Variants in CDH5 observed in about 807,000 individuals in gnomAD.
The protein encoded by CDH5 is cadherin 5.
Under a neutral mutation model 62.0 loss-of-function variants are expected in CDH5, and 28 were observed. The observed-to-expected ratio is 0.45, with a 90% CI of 0.33 to 0.62. The LOEUF is 0.62. Among genes scored for constraint, CDH5 ranks in the 20% least tolerant of loss-of-function variants. The pLI is 0.02. For missense variants in CDH5, 940 were observed against 1,065.1 expected (o/e 0.88, Z 1.63); for synonymous variants, 464 against 445.8 (o/e 1.04, Z -0.52).
Position 66,404,448 on chromosome 16 carries a change from A to G in CDH5, c.*1279A>G, listed in dbSNP as rs1246450502. ...ATGGACCGAGGTTCCCACTCTGGGCAAAGCCCCTCACACTGCAAGGGATTG... is the reference window on the plus strand; with the variant it reads ...ATGGACCGAGGTTCCCACTCTGGGCGAAGCCCCTCACACTGCAAGGGATTG... On this transcript the variant is annotated 3_prime_UTR_variant, in exon 12 of 12. Coordinates refer to ENST00000341529, the MANE Select transcript of CDH5 (RefSeq NM_001795.5). 6.6e-6 allele frequency: 1 copy of G among 152,254 alleles called. No individual in the cohort carries two copies. The highest frequency in any genetic ancestry group is 1.5e-5 in the Non-Finnish European group (1 of 68,044). The allele number at this position is 152,254 out of a possible 1,614,324, so 9.4% of individuals were successfully genotyped here.
At chr16:66,394,425 G>C (rs982756144) in intron 7 of CDH5, among the ~76,000 whole-genome samples, 6 of 152,132 alleles carry the variant, frequency 3.9e-5, no homozygotes, top group African/African-American at 1.4e-4. Context: ...GAAATGCTTT[G>C]TGTTTAACCT....
chr16:66,386,918 G>C lies in CDH5; in HGVS notation c.320G>C (p.Arg107Thr). The C allele has an allele frequency of 6.2e-7, 1 of 1,614,228 alleles. No homozygotes were observed. Among genetic ancestry groups the C allele is most frequent in the South Asian group, 1.1e-5 (1 of 91,086 alleles). Residue 107 changes from arginine (R) to threonine (T), a missense_variant, in exon 3 of 12, where the codon AGG becomes ACG. Transcript: ENST00000341529. ...ACAGGAGACGTGTTCGCCATTGAGA[G>C]GCTGGACCGGGAGAATATCTCAGAG... ...AETGDVFAIE[R>T]LDRENISEYH...
intron 1 of CDH5, among the ~76,000 whole-genome samples, chr16:66,379,011 A>T (rs1442702211): frequency 6.6e-6 from 1 of 152,242 alleles, no homozygotes; most frequent in Non-Finnish European, 1.5e-5. Context: ...GGTTTTGCAT[A>T]GCTTCGGGGA....
intron 3 of CDH5, among the ~76,000 whole-genome samples, chr16:66,387,760 C>T (rs1389068529): frequency 6.6e-6 from 1 of 152,224 alleles, no homozygotes; most frequent in East Asian, 1.9e-4. Context: ...AGGGGCCATG[C>T]AGGAGTGGTG....
intron 1 of CDH5, among the ~76,000 whole-genome samples, chr16:66,374,711 A>G (rs1049904590): frequency 6.7e-6 from 1 of 150,272 alleles, no homozygotes; most frequent in African/African-American, 2.4e-5. Flanking sequence ...TTTTTTTTCA[A>G]ATCAAGGAAG....
At position 66,403,029 on chromosome 16, in the gene CDH5, A is replaced by G. The variant is rs1418869866; in HGVS notation, c.2215A>G (p.Ile739Val). 3 of 1,613,314 alleles carry G rather than the reference A, an allele frequency of 1.9e-6. No homozygotes were observed. The highest frequency in any genetic ancestry group is 1.7e-6 in the Non-Finnish European group (2 of 1,179,802). Reference sequence around the variant, plus strand: ...CTACGGCTACGAGGGCTCCGAGTCCATAGCCGAGTCCCTCAGCTCCCTGGG... The same window carrying G: ...CTACGGCTACGAGGGCTCCGAGTCCGTAGCCGAGTCCCTCAGCTCCCTGGG... ...HIYGYEGSES[I>V]AESLSSLGTD... is the part of the protein sequence containing the mutation. The change falls in exon 12 of 12, where the codon ATA (isoleucine) becomes GTA (valine). Residue 739 changes from isoleucine (I) to valine (V), a missense_variant. Physicochemically the swap from Ile to Val is conservative, Grantham distance 29. Coordinates refer to ENST00000341529, the MANE Select transcript of CDH5 (RefSeq NM_001795.5). The surrounding 1 kb of genome is among the most constrained non-coding windows in gnomAD (Gnocchi z 4.3).
In CDH5 at chr16:66,392,539, C is replaced by T. The variant is rs1337416956; in HGVS notation, c.1217+156C>T. 9.8e-6 allele frequency: 10 copies of T among 1,019,856 alleles called. No homozygotes were observed. The East Asian group carries it at 2.5e-4, about 25-fold the overall frequency. 63.2% of individuals were successfully genotyped at this position (1,019,856 alleles called of 1,614,324 possible). ...GCAAGACCAGAAGCCCAAGCTCTTGCACTTGGCAGCCTGGCATCTTGACCT... is the reference window on the plus strand; with the variant it reads ...GCAAGACCAGAAGCCCAAGCTCTTGTACTTGGCAGCCTGGCATCTTGACCT... On this transcript the variant is annotated intron_variant, in intron 7 of 11. Transcript: ENST00000341529.
At chr16:66,369,335 C>A (rs1251815946) in intron 1 of CDH5, among the ~76,000 whole-genome samples, 3 of 152,178 alleles carry the variant, frequency 2.0e-5, no homozygotes, top group Admixed American at 2.0e-4. Context: ...ACCCACCAGG[C>A]TGGAGAGGGC....
intron 1 of CDH5, 105 bp from the exon 2 acceptor site, chr16:66,379,213 CA>C: frequency 1.2e-6 from 1 of 814,210 alleles, no homozygotes; most frequent in Non-Finnish European, 2.0e-6. Flanking sequence ...GTGTTTGCCC[CA>C]GGCTTTTGGC....
Position 66,403,805 on chromosome 16 carries a change from C to T in CDH5, c.*636C>T, listed in dbSNP as rs1265408415. On this transcript the variant is annotated 3_prime_UTR_variant, in exon 12 of 12. Transcript: ENST00000341529. The surrounding 1 kb of genome is among the most constrained non-coding windows in gnomAD (Gnocchi z 4.3). ...GACCTTGGGTCCTGAAGTGACCTCA[C>T]TGGCCTGCCATGCCAGTAACTGTGC... 6.3e-6 allele frequency: 1 copy of T among 158,574 alleles called. No homozygotes were observed. The highest frequency in any genetic ancestry group is 1.4e-5 in the Non-Finnish European group (1 of 71,562). 9.8% of individuals were successfully genotyped at this position (158,574 alleles called of 1,614,324 possible).
At chr16:66,373,564 C>T (rs777368629) in intron 1 of CDH5, among the ~76,000 whole-genome samples, 4 of 152,058 alleles carry the variant, frequency 2.6e-5, no homozygotes, top group African/African-American at 4.8e-5. Flanking sequence ...TATAGGCATG[C>T]GCCACCATGC....
intron 1 of CDH5, among the ~76,000 whole-genome samples, chr16:66,378,006 T>G (rs1184456863): frequency 6.6e-6 from 1 of 152,186 alleles, no homozygotes; most frequent in African/African-American, 2.4e-5. Context: ...AAAATTCTTT[T>G]GCACTGGGCC....
chr16:66,379,146 C>T (rs1004950285), intron 1 of CDH5, 173 bp from the exon 2 acceptor site: 32 of 552,154 alleles, frequency 5.8e-5, no homozygotes, highest in Admixed American at 1.9e-4. Flanking sequence ...GACCTTTCAT[C>T]CGAGTGCATG....
chr16:66,386,064 G>C (rs1381234577), intron 2 of CDH5, among the ~76,000 whole-genome samples: 18 of 152,164 alleles, frequency 1.2e-4, no homozygotes, highest in Non-Finnish European at 2.9e-5. Context: ...TTTTACAAAT[G>C]AGGCAACTAA....
intron 5 of CDH5, among the ~76,000 whole-genome samples, chr16:66,389,911 G>A (rs1961053335): frequency 1.3e-5 from 2 of 152,198 alleles, no homozygotes; most frequent in South Asian, 4.1e-4. Flanking sequence ...GGACAGCAAA[G>A]TTCTATATCC....
At chr16:66,388,546 T>C in intron 4 of CDH5, 106 bp downstream of exon 4, 4 of 755,344 alleles carry the variant, frequency 5.3e-6, no homozygotes, top group Non-Finnish European at 9.5e-6. Context: ...CAGGTGTCAC[T>C]AGCTACTGAA....
At position 66,387,105 on chromosome 16, in the gene CDH5, G is replaced by T. The variant is rs769278222; in HGVS notation, c.499+8G>T. On this transcript the variant is annotated splice_region_variant and intron_variant, in intron 3 of 11. Transcript: ENST00000341529. The stretch of plus-strand genomic sequence containing the variant: ...CTGAGTCGTCGGCTGTGGGTACGTT[G>T]CATGCCCACTCTGTCCTCCTCCCTC... 3.1e-6 allele frequency: 5 copies of T among 1,605,222 alleles called. No homozygotes were observed. The South Asian group carries it at 5.5e-5, about 18-fold the overall frequency.
At chr16:66,371,111 T>C (rs929089584) in intron 1 of CDH5, among the ~76,000 whole-genome samples, 1 of 152,082 alleles carries the variant, frequency 6.6e-6, no homozygotes, top group Non-Finnish European at 1.5e-5. Context: ...CCAAACCCCA[T>C]TCCCGAGCTC....
At chr16:66,388,271 G>A (rs1961020910) in intron 3 of CDH5, 53 bp from the exon 4 acceptor site, 1 of 1,115,908 alleles carries the variant, frequency 9.0e-7, no homozygotes, top group Non-Finnish European at 1.4e-6. Flanking sequence ...CCAGGAATGG[G>A]GTAAGGGGCC....
Sources: gnomAD v4.1 joint callset for allele counts (sites outside exome capture counted in the v4.1 genomes callset) on GRCh38, gnomAD v4.1.1 for gene constraint, Gnocchi (gnomAD v3.1) non-coding constraint, MANE v1.5 for transcripts, NCBI Gene and HGNC (gene_info 2026-07-23, HGNC 2026-07-21) for gene names.